Variants in LNPEP observed in about 807,000 individuals in gnomAD.
LNPEP encodes leucyl and cystinyl aminopeptidase.
In LNPEP, 64 loss-of-function variants were observed where a neutral mutation model predicts 120.6. The observed-to-expected ratio is 0.53, with a 90% CI of 0.43 to 0.65. LNPEP has a LOEUF of 0.65. Ranked by LOEUF, LNPEP falls within the 30% of genes least tolerant of loss-of-function variation. The pLI, the probability that LNPEP is intolerant of heterozygous loss-of-function variation, is 0.00. For synonymous variants in LNPEP, 435 were observed against 425.4 expected, an observed-to-expected ratio of 1.02 and a Z score of -0.28; for missense variants, 1,057 against 1,200.0, an observed-to-expected ratio of 0.88 and a Z score of 1.76.
Position 96,993,055 on chromosome 5 carries a change from A to G in LNPEP, c.1172A>G (p.His391Arg), listed in dbSNP as rs750132445. ...YAVPEKIGQVHYALETTVKLL... is the reference protein window; with the variant it reads ...YAVPEKIGQVRYALETTVKLL... ...GTACCAGAAAAGATTGGTCAAGTTCATTATGCCTTGGAAACAACTGTGAAG... is the reference window on the plus strand; with the variant it reads ...GTACCAGAAAAGATTGGTCAAGTTCGTTATGCCTTGGAAACAACTGTGAAG... The change falls in exon 5 of 18, where the codon CAT (histidine) becomes CGT (arginine). Residue 391 changes from histidine (H) to arginine (R), a missense_variant. Coordinates refer to ENST00000231368, the MANE Select transcript of LNPEP (RefSeq NM_005575.3). 2 of 1,598,994 alleles carry G rather than the reference A, an allele frequency of 1.3e-6. No individual in the cohort carries two copies. The highest frequency in any genetic ancestry group is 1.7e-4 in the Middle Eastern group (1 of 6,026).
At chr5:97,027,029 A>G (rs1042683401) in intron 16 of LNPEP, among the ~76,000 whole-genome samples, 2 of 152,204 alleles carry the variant, frequency 1.3e-5, no homozygotes, top group Non-Finnish European at 2.9e-5. Flanking sequence ...AGACTATTTC[A>G]TAGCAACCAT....
At chr5:96,996,221 TG>T (rs1452206356) in intron 6 of LNPEP, 168 bp from the exon 7 acceptor site, 12 of 453,692 alleles carry the variant, frequency 2.6e-5, no homozygotes, top group Admixed American at 4.1e-5. Context: ...ATACAACTTT[TG>T]TAAGTTCTAA....
In LNPEP at chr5:97,028,385, C is replaced by A. The variant is rs779510309; in HGVS notation, c.2947-17C>A. On this transcript the variant is annotated splice_polypyrimidine_tract_variant and intron_variant, in intron 17 of 17. Coordinates refer to ENST00000231368, the MANE Select transcript of LNPEP (RefSeq NM_005575.3). ...GTCCTTTTCTTCTTTTGAAATTCTT[C>A]TGTGTGAAACTTACAGGTTCAGGCA... 3.7e-6 allele frequency: 6 copies of A among 1,612,578 alleles called. No individual in the cohort carries two copies. The highest frequency in any genetic ancestry group is 2.2e-5 in the East Asian group (1 of 44,858).
intron 13 of LNPEP, among the ~76,000 whole-genome samples, chr5:97,018,335 G>A (rs139951848): frequency 6.6e-6 from 1 of 152,044 alleles, no homozygotes; most frequent in African/African-American, 2.4e-5. Flanking sequence ...TTATAGCTTA[G>A]TGCTCAAGAA....
At position 96,979,193 on chromosome 5, in the gene LNPEP, A is replaced by G; in HGVS notation, c.75A>G (p.Pro25=). 6.2e-7 allele frequency: 1 copy of G among 1,613,820 alleles called. No individual in the cohort carries two copies. Among genetic ancestry groups the G allele is most frequent in the Non-Finnish European group, 8.5e-7 (1 of 1,179,816 alleles). The change falls in exon 2 of 18, where the codon CCA becomes CCG. Residue 25 remains proline, a synonymous_variant. Transcript: ENST00000231368. ...MIENSMFEEE[P]DVVDLAKEPC... Reference sequence around the variant, plus strand: ...AAAACAGCATGTTTGAGGAAGAACCAGATGTGGTGGATTTAGCCAAAGAGC... The same window carrying G: ...AAAACAGCATGTTTGAGGAAGAACCGGATGTGGTGGATTTAGCCAAAGAGC...
intron 1 of LNPEP, among the ~76,000 whole-genome samples, chr5:96,967,994 A>T (rs1559267): frequency 0.5 from 75,537 of 151,880 alleles, 18,984 homozygotes; most frequent in African/African-American, 0.57. Context: ...TAAACCTTCT[A>T]TCCTCAACTT....
At position 97,030,497 on chromosome 5, in the gene LNPEP, C is replaced by T. The variant is rs1402088687; in HGVS notation, c.*1964C>T. ...TTTAAATTTTGTAACTTCTCAAAAT[C>T]ACTTAAGATTCTTCAGTTTTACCTG... On this transcript the variant is annotated 3_prime_UTR_variant, in exon 18 of 18. Transcript: ENST00000231368. 6.6e-6 allele frequency: 1 copy of T among 152,062 alleles called. No individual in the cohort carries two copies. The highest frequency in any genetic ancestry group is 1.5e-5 in the Non-Finnish European group (1 of 67,996). 9.4% of individuals were successfully genotyped at this position (152,062 alleles called of 1,614,324 possible).
chr5:97,013,344 A>G (rs1353840286), intron 11 of LNPEP, among the ~76,000 whole-genome samples: 2 of 152,140 alleles, frequency 1.3e-5, no homozygotes, highest in Non-Finnish European at 2.9e-5. Context: ...TAGCGCTTGT[A>G]TGATATTGTA....
intron 2 of LNPEP, among the ~76,000 whole-genome samples, chr5:96,980,434 T>A (rs1790096703): frequency 6.6e-6 from 1 of 152,314 alleles, no homozygotes; most frequent in African/African-American, 2.4e-5. Context: ...ATTTTTAATA[T>A]CCTTAATCTT....
At chr5:96,962,161 C>T (rs1218299069) in intron 1 of LNPEP, among the ~76,000 whole-genome samples, 2 of 152,216 alleles carry the variant, frequency 1.3e-5, no homozygotes, top group Non-Finnish European at 2.9e-5. Flanking sequence ...TGTGACCCCC[C>T]AGCCTTCTCC....
At chr5:96,990,151 G>A (rs950248841) in intron 4 of LNPEP, among the ~76,000 whole-genome samples, 6 of 152,170 alleles carry the variant, frequency 3.9e-5, no homozygotes, top group African/African-American at 1.4e-4. Context: ...TATTGATCTT[G>A]TTACAGTTAT....
At chr5:96,978,850 A>T (rs1489343498) in intron 1 of LNPEP, among the ~76,000 whole-genome samples, 1 of 152,246 alleles carries the variant, frequency 6.6e-6, no homozygotes, top group Non-Finnish European at 1.5e-5. Flanking sequence ...GAGTATATTA[A>T]GGAAATTAGT....
chr5:96,981,859 A>G (rs1790132996), intron 2 of LNPEP, among the ~76,000 whole-genome samples: 1 of 152,128 alleles, frequency 6.6e-6, no homozygotes, highest in African/African-American at 2.4e-5. Context: ...AAACAAATTC[A>G]GGATAGGGAT....
At chr5:96,969,862 T>A (rs1167240014) in intron 1 of LNPEP, among the ~76,000 whole-genome samples, 1 of 151,612 alleles carries the variant, frequency 6.6e-6, no homozygotes, top group Admixed American at 6.6e-5. Context: ...GCAATAAATT[T>A]TCTTGAATTT....
At chr5:96,997,057 G>C (rs542008781) in intron 7 of LNPEP, among the ~76,000 whole-genome samples, 9 of 152,090 alleles carry the variant, frequency 5.9e-5, no homozygotes, top group African/African-American at 1.7e-4. Flanking sequence ...TTTCAGTACA[G>C]AGAAGTATAA....
In LNPEP at chr5:96,998,079, A is replaced by G. The variant is rs547466338; in HGVS notation, c.1587A>G (p.Pro529=). 3.2e-6 allele frequency: 5 copies of G among 1,584,304 alleles called. No homozygotes were observed. In the South Asian group the frequency reaches 5.6e-5, roughly 18 times the overall value. Residue 529 remains proline, a synonymous_variant, in exon 8 of 18, where the codon CCA becomes CCG. Transcript: ENST00000231368. ...AAGATTCCTTAAATTCATCTCATCC[A>G]ATATCATCATCTGTTCAGTCTTCAG... ...MKKDSLNSSH[P]ISSSVQSSEQ...
intron 1 of LNPEP, chr5:96,937,233 G>C (rs1788927325): frequency 6.6e-6 from 1 of 152,204 alleles, no homozygotes; most frequent in African/African-American, 2.4e-5. Context: ...CTCAAGAGCA[G>C]ACAGATATTG....
chr5:96,994,095 A>T (rs1047809096), intron 6 of LNPEP, 124 bp downstream of exon 6: 1 of 768,178 alleles, frequency 1.3e-6, no homozygotes, highest in Admixed American at 2.8e-5. Flanking sequence ...TTATAATAGA[A>T]AGATGCTTTT....
chr5:96,993,165 G>A, intron 5 of LNPEP, 30 bp downstream of exon 5: 1 of 1,473,374 alleles, frequency 6.8e-7, no homozygotes, highest in Non-Finnish European at 9.2e-7. Context: ...TCTGATTTTT[G>A]TTATAATTAG....
Sources: gnomAD v4.1 joint callset for allele counts (sites outside exome capture counted in the v4.1 genomes callset) on GRCh38, gnomAD v4.1.1 for gene constraint, MANE v1.5 for transcripts, NCBI Gene and HGNC (gene_info 2026-07-23, HGNC 2026-07-21) for gene names.